Variants in MCTP1 observed in about 807,000 individuals in gnomAD.
The protein encoded by MCTP1 is multiple C2 and transmembrane domain-containing protein 1.
Under a neutral mutation model 120.6 loss-of-function variants are expected in MCTP1, and 69 were observed. The observed-to-expected ratio is 0.57, with a 90% confidence interval of 0.47 to 0.70. The LOEUF is 0.70. Ranked by LOEUF, MCTP1 falls within the 30% of genes least tolerant of loss-of-function variation. The pLI is 0.00. For synonymous variants in MCTP1, 529 were observed against 493.1 expected, an observed-to-expected ratio of 1.07 and a Z score of -0.96; for missense variants, 1,203 against 1,248.8, an observed-to-expected ratio of 0.96 and a Z score of 0.55.
At chr5:94,711,244 T>C (rs1375886024) in intron 20 of MCTP1, among the ~76,000 whole-genome samples, 1 of 152,158 alleles carries the variant, frequency 6.6e-6, no homozygotes, top group African/African-American at 2.4e-5. Flanking sequence ...TTTCTACTGC[T>C]AAGACTAGTA....
intron 3 of MCTP1, among the ~76,000 whole-genome samples, chr5:94,943,707 T>C (rs979066473): frequency 1.3e-5 from 2 of 151,824 alleles, no homozygotes; most frequent in African/African-American, 4.8e-5. Context: ...TTCTGATAAG[T>C]GTTTTAAGGA....
chr5:95,027,823 T>C (rs1839541444), intron 1 of MCTP1, among the ~76,000 whole-genome samples: 1 of 152,082 alleles, frequency 6.6e-6, no homozygotes, highest in Admixed American at 6.6e-5. Flanking sequence ...TACAACAGAA[T>C]ATAATACGAA....
chr5:95,013,383 C>G (rs1231723844), intron 2 of MCTP1, among the ~76,000 whole-genome samples: 1 of 152,156 alleles, frequency 6.6e-6, no homozygotes, highest in African/African-American at 2.4e-5. Flanking sequence ...GATGAAACAG[C>G]CTTCTATTGG....
chr5:95,062,721 A>C (rs1029589649), intron 1 of MCTP1, among the ~76,000 whole-genome samples: 9 of 152,214 alleles, frequency 5.9e-5, no homozygotes, highest in African/African-American at 4.8e-5. Flanking sequence ...ATACATTCCA[A>C]GGTGTACTGC....
chr5:94,861,430 C>G (rs1795763415), intron 17 of MCTP1, among the ~76,000 whole-genome samples: 2 of 151,736 alleles, frequency 1.3e-5, no homozygotes, highest in Admixed American at 1.3e-4. Context: ...TTAATTTTTA[C>G]CTGATAGAAC....
intron 18 of MCTP1, among the ~76,000 whole-genome samples, chr5:94,791,654 T>TA (rs1399902682): frequency 6.6e-6 from 1 of 152,182 alleles, no homozygotes; most frequent in Non-Finnish European, 1.5e-5. Context: ...TCAATTTTTA[T>TA]AAAAAACAAA....
chr5:94,714,790 C>T lies in MCTP1; in HGVS notation c.2707G>A (p.Glu903Lys), dbSNP rs1485288169. 2.5e-6 allele frequency: 4 copies of T among 1,592,968 alleles called. No individual in the cohort carries two copies. Among genetic ancestry groups the T allele is most frequent in the Non-Finnish European group, 3.4e-6 (4 of 1,160,868 alleles). Residue 903 changes from glutamate to lysine, a missense_variant, in exon 20 of 23, where the codon GAA (glutamate) becomes AAA (lysine). Transcript: ENST00000515393. ...NILDEVASFG[E>K]RIKNTFNWTV... is the part of the protein sequence containing the mutation. ...ACCGTCACTCACTTCTTTATCCTTTCGCCAAAGGAAGCCACTTCATCTAGG... is the reference window on the plus strand; with the variant it reads ...ACCGTCACTCACTTCTTTATCCTTTTGCCAAAGGAAGCCACTTCATCTAGG...
chr5:95,214,588 C>G (rs1752816885), intron 1 of MCTP1, among the ~76,000 whole-genome samples: 1 of 152,110 alleles, frequency 6.6e-6, no homozygotes, highest in Non-Finnish European at 1.5e-5. Context: ...CGGCACTATT[C>G]ACAATAGCAA....
chr5:95,101,666 TAG>T (rs1756741370), intron 1 of MCTP1, among the ~76,000 whole-genome samples: 1 of 152,310 alleles, frequency 6.6e-6, no homozygotes, highest in South Asian at 2.1e-4. Flanking sequence ...AGAAAGAACG[TAG>T]AGAGTCACTC....
intron 1 of MCTP1, chr5:95,023,946 G>A (rs1201007251): frequency 4.7e-6 from 1 of 212,180 alleles, no homozygotes; most frequent in African/African-American, 2.3e-5. Flanking sequence ...GCAGTTATAA[G>A]AAGTTAATGA....
intron 2 of MCTP1, among the ~76,000 whole-genome samples, chr5:95,004,320 G>C (rs1404017322): frequency 1.3e-5 from 2 of 152,216 alleles, no homozygotes; most frequent in African/African-American, 4.8e-5. Context: ...GGGCATACAA[G>C]TTTGGAAAAT....
chr5:95,197,639 C>A (rs1411511462), intron 1 of MCTP1, among the ~76,000 whole-genome samples: 1 of 151,938 alleles, frequency 6.6e-6, no homozygotes, highest in Non-Finnish European at 1.5e-5. Flanking sequence ...ACACTCACAC[C>A]AAATCACATA....
At chr5:95,115,777 A>G (rs1757784350) in intron 1 of MCTP1, among the ~76,000 whole-genome samples, 1 of 152,170 alleles carries the variant, frequency 6.6e-6, no homozygotes, top group Admixed American at 6.5e-5. Context: ...TCTGAGTACA[A>G]GAAGGTTATA....
intron 2 of MCTP1, among the ~76,000 whole-genome samples, chr5:94,955,234 C>T (rs1822266056): frequency 6.6e-6 from 1 of 152,178 alleles, no homozygotes; most frequent in Non-Finnish European, 1.5e-5. Flanking sequence ...TGCTCTCTGG[C>T]CCAGATACTA....
At chr5:95,053,298 T>C (rs560638949) in intron 1 of MCTP1, among the ~76,000 whole-genome samples, 1 of 152,322 alleles carries the variant, frequency 6.6e-6, no homozygotes, top group African/African-American at 2.4e-5. Flanking sequence ...TATAAAATCA[T>C]GCACTCCAAA....
At chr5:95,216,521 C>T (rs541388367) in intron 1 of MCTP1, among the ~76,000 whole-genome samples, 1 of 152,168 alleles carries the variant, frequency 6.6e-6, no homozygotes, top group South Asian at 2.1e-4. Flanking sequence ...AGCTCCCAAG[C>T]CTGAAAGGTA....
At chr5:94,891,497 C>G (rs1191054797) in intron 11 of MCTP1, among the ~76,000 whole-genome samples, 1 of 152,138 alleles carries the variant, frequency 6.6e-6, no homozygotes, top group Non-Finnish European at 1.5e-5. Flanking sequence ...TTTTCAGAGG[C>G]AATTTAAATC....
chr5:94,711,885 T>G (rs935354067), intron 20 of MCTP1, among the ~76,000 whole-genome samples: 17 of 152,140 alleles, frequency 1.1e-4, no homozygotes, highest in Non-Finnish European at 4.4e-5. Context: ...TTAAGGCTTT[T>G]TGTGTGGAAT....
chr5:95,283,943 C>T lies in MCTP1; in HGVS notation c.633G>A (p.Leu211=). 1 of 1,407,454 alleles carries T rather than the reference C, an allele frequency of 7.1e-7. No individual in the cohort carries two copies. 87.2% of individuals were successfully genotyped at this position (1,407,454 alleles called of 1,614,324 possible). Reference sequence around the variant, plus strand: ...GCTCTGCGGGAGGAGGCGGCGGCTCCAGCAGCTGCTCCAGGCAGGCGGTGC... The same window carrying T: ...GCTCTGCGGGAGGAGGCGGCGGCTCTAGCAGCTGCTCCAGGCAGGCGGTGC... ...LPGTACLEQL[L]EPPPPPAEPA... is the part of the protein sequence containing the mutation. Residue 211 remains leucine, a synonymous_variant, in exon 1 of 23, where the codon CTG becomes CTA. Transcript: ENST00000515393.
Sources: gnomAD v4.1 joint callset for allele counts (sites outside exome capture counted in the v4.1 genomes callset) on GRCh38, gnomAD v4.1.1 for gene constraint, MANE v1.5 for transcripts, NCBI Gene and HGNC (gene_info 2026-07-23, HGNC 2026-07-21) for gene names.